SLC24A2: variants seen among roughly 807,000 people sequenced by gnomAD.
The protein encoded by SLC24A2 is sodium/potassium/calcium exchanger 2.
A neutral mutation model predicts 62.0 loss-of-function variants in SLC24A2; 36 were observed. The ratio of observed to expected loss-of-function variants is 0.58; its 90% CI spans 0.44 to 0.77. SLC24A2 has a LOEUF of 0.77. Among genes scored for constraint, SLC24A2 ranks in the 30% least tolerant of loss-of-function variants. The pLI is 0.00. For synonymous variants in SLC24A2, 358 were observed against 294.0 expected, an observed-to-expected ratio of 1.22 and a Z score of -2.23; for missense variants, 846 against 817.9, an observed-to-expected ratio of 1.03 and a Z score of -0.42.
chr9:19,563,162 C>T (rs1250204894), intron 7 of SLC24A2, among the ~76,000 whole-genome samples: 1 of 136,424 alleles, frequency 7.3e-6, no homozygotes, highest in Admixed American at 7.6e-5. Context: ...TTATTTCTTT[C>T]ACTATTCAGC....
intron 7 of SLC24A2, among the ~76,000 whole-genome samples, chr9:19,563,337 C>T (rs867158393): frequency 1.3e-5 from 2 of 151,846 alleles, no homozygotes; most frequent in Admixed American, 6.6e-5. Flanking sequence ...GCAATTCTTG[C>T]CTATTTATTT....
At chr9:20,248,294 C>G in the SLC24A2 span, among the ~76,000 whole-genome samples, 16 of 152,312 alleles carry the variant, frequency 1.1e-4, no homozygotes, top group South Asian at 3.1e-3. Flanking sequence ...GCTCAAGGCC[C>G]TAACAGGTAC....
the SLC24A2 span, among the ~76,000 whole-genome samples, chr9:20,016,922 T>A: frequency 2.6e-5 from 4 of 152,332 alleles, no homozygotes; most frequent in Middle Eastern, 3.4e-3. Context: ...TATACGAATA[T>A]GCATTTAAGG....
the SLC24A2 span, among the ~76,000 whole-genome samples, chr9:19,941,805 G>A: frequency 6.6e-6 from 1 of 152,052 alleles, no homozygotes; most frequent in Non-Finnish European, 1.5e-5. Context: ...AGACCGTTCT[G>A]TTTCCATTCC....
chr9:19,533,566 T>C (rs574745325), intron 8 of SLC24A2, among the ~76,000 whole-genome samples: 12 of 152,346 alleles, frequency 7.9e-5, no homozygotes, highest in Admixed American at 1.3e-4. Flanking sequence ...TTTGCCATTA[T>C]GTGACTAAGT....
At chr9:19,766,594 A>G (rs1488359659) in intron 2 of SLC24A2, among the ~76,000 whole-genome samples, 1 of 152,172 alleles carries the variant, frequency 6.6e-6, no homozygotes, top group African/African-American at 2.4e-5. Flanking sequence ...TGGGGGTCCA[A>G]TCCAGAACCT....
intron 7 of SLC24A2, among the ~76,000 whole-genome samples, chr9:19,555,674 G>T (rs372887435): frequency 6.6e-6 from 1 of 152,236 alleles, no homozygotes; most frequent in Admixed American, 6.5e-5. Context: ...GTTGGGCTTG[G>T]TGGCTCACAC....
chr9:19,861,353 C>G, the SLC24A2 span, among the ~76,000 whole-genome samples: 1 of 152,228 alleles, frequency 6.6e-6, no homozygotes, highest in African/African-American at 2.4e-5. Context: ...AGTACCTCTA[C>G]AAGTCTGCAA....
At chr9:19,519,585 C>G (rs921867694) in intron 10 of SLC24A2, among the ~76,000 whole-genome samples, 1 of 152,146 alleles carries the variant, frequency 6.6e-6, no homozygotes, top group Non-Finnish European at 1.5e-5. Context: ...ATCCATCCAT[C>G]CCACAAACAC....
At chr9:19,670,673 A>G (rs1016069201) in intron 2 of SLC24A2, among the ~76,000 whole-genome samples, 2 of 152,212 alleles carry the variant, frequency 1.3e-5, no homozygotes, top group Non-Finnish European at 2.9e-5. Flanking sequence ...TAGCTCTACC[A>G]GCCTCTAGAA....
At chr9:20,246,804 T>C in the SLC24A2 span, among the ~76,000 whole-genome samples, 5 of 152,212 alleles carry the variant, frequency 3.3e-5, no homozygotes, top group African/African-American at 9.6e-5. Context: ...GGCCCAGATG[T>C]AGCCTGACAG....
chr9:19,912,874 A>G, the SLC24A2 span, among the ~76,000 whole-genome samples: 1 of 152,138 alleles, frequency 6.6e-6, no homozygotes, highest in Non-Finnish European at 1.5e-5. Flanking sequence ...CCTGGTTGAC[A>G]TACAGAAACA....
At chr9:20,053,731 G>T in the SLC24A2 span, among the ~76,000 whole-genome samples, 1 of 152,088 alleles carries the variant, frequency 6.6e-6, no homozygotes, top group South Asian at 2.1e-4. Flanking sequence ...CAGGAAGCAG[G>T]CCCTCACCAA....
chr9:19,887,135 C>G, the SLC24A2 span, among the ~76,000 whole-genome samples: 2 of 152,236 alleles, frequency 1.3e-5, no homozygotes, highest in East Asian at 3.9e-4. Context: ...ATAGGTGCAG[C>G]AAATCACTAT....
the SLC24A2 span, among the ~76,000 whole-genome samples, chr9:20,051,657 C>CTTTTTTTTTTTTTTGTTTTT: frequency 1.4e-5 from 1 of 73,514 alleles, no homozygotes; most frequent in Non-Finnish European, 2.4e-5. Context: ...TTTTCTTTCT[C>CTTTTTTTTTTTTTTGTTTTT]TTTTTTTTTT....
At chr9:20,267,089 T>A in the SLC24A2 span, among the ~76,000 whole-genome samples, 1 of 149,538 alleles carries the variant, frequency 6.7e-6, no homozygotes, top group East Asian at 1.9e-4. Flanking sequence ...TTGGTTTAAC[T>A]GACAAAACAA....
At chr9:19,762,793 C>CT (rs58241037) in intron 2 of SLC24A2, among the ~76,000 whole-genome samples, 4,941 of 102,272 alleles carry the variant, frequency 0.048, 350 homozygotes, top group African/African-American at 0.096. Flanking sequence ...GCTATATGTG[C>CT]TTTTTTTTTT....
At chr9:20,154,649 T>TAAA in the SLC24A2 span, among the ~76,000 whole-genome samples, 1 of 147,324 alleles carries the variant, frequency 6.8e-6, no homozygotes. Context: ...TTTCTAAGGT[T>TAAA]AAAAAAAAAA....
At chr9:20,199,058 T>C in the SLC24A2 span, among the ~76,000 whole-genome samples, 1 of 152,224 alleles carries the variant, frequency 6.6e-6, no homozygotes. Flanking sequence ...CAAGGATGTA[T>C]GGACCTTTTT....
Sources: allele counts gnomAD v4.1 joint callset (sites outside exome capture counted in the v4.1 genomes callset), GRCh38; gene constraint gnomAD v4.1.1; transcripts MANE v1.5; gene names NCBI Gene and HGNC (gene_info 2026-07-23, HGNC 2026-07-21).